TG: variants seen among roughly 807,000 people sequenced by gnomAD.
TG encodes thyroglobulin, also known as thyroid hormones.
TG carries 270 observed loss-of-function variants against 324.7 expected under a neutral mutation model. The observed-to-expected ratio is 0.83, with a 90% CI of 0.75 to 0.92. The LOEUF (loss-of-function observed/expected upper bound fraction) is 0.92. TG is among the 40% of genes least tolerant of loss of function. The probability of loss-of-function intolerance (pLI) is 0.00; values close to 1 mark genes in which losing one functional copy is unlikely to be tolerated. For synonymous variants in TG, 1,401 were observed against 1,327.0 expected (o/e 1.06, Z -1.21); for missense variants, 3,591 against 3,456.4 (o/e 1.04, Z -0.98).
chr8:132,972,545 A>G lies in TG; in HGVS notation c.6056-53A>G, dbSNP rs576350874. The G allele has an allele frequency of 7.2e-4, 1,144 of 1,594,114 alleles. 6 individuals carry two copies. The highest frequency in any genetic ancestry group is 1.2e-3 in the Middle Eastern group (7 of 5,714). On this transcript the variant is annotated intron_variant, in intron 33 of 47. Coordinates refer to ENST00000220616, the MANE Select transcript of TG (RefSeq NM_003235.5). ...TTTTTCTCATTTATTAGACTCTTCC[A>G]TTGTACTCAGTTTCCTGATTGTGGT...
At chr8:132,916,592 G>A (rs1341438788) in intron 20 of TG, among the ~76,000 whole-genome samples, 1 of 152,228 alleles carries the variant, frequency 6.6e-6, no homozygotes, top group East Asian at 1.9e-4. Flanking sequence ...GGAGGGCAAT[G>A]ACTCAGAGGT....
intron 35 of TG, chr8:133,001,932 A>G (rs1833552249): frequency 1.1e-5 from 11 of 985,360 alleles, no homozygotes; most frequent in Non-Finnish European, 1.3e-5. Flanking sequence ...AGTGCTGAGC[A>G]GCTGAAAGAA....
chr8:133,024,306 T>TTTTCTTTCTTTCTTTC (rs199604332), intron 40 of TG, among the ~76,000 whole-genome samples: 1 of 87,854 alleles, frequency 1.1e-5, no homozygotes, highest in Non-Finnish European at 2.3e-5. Flanking sequence ...CCACAGGCCA[T>TTTTCTTTCTTTCTTTC]TTTCTTTCTT....
intron 41 of TG, among the ~76,000 whole-genome samples, chr8:133,080,166 C>A (rs1564163644): frequency 6.6e-6 from 1 of 152,254 alleles, no homozygotes; most frequent in South Asian, 2.1e-4. Flanking sequence ...GAGGAAAAAA[C>A]ACCAGGCAAA....
chr8:132,867,004 G>A lies in TG; in HGVS notation c.4G>A (p.Ala2Thr). ...CCTCCCAGGAAGGGCCAGGAAAATG[G>A]CCCTGGTCCTGGAGATCTTCACCCT... M[A>T]LVLEIFTLLA... The change falls in exon 1 of 48, where the codon GCC (alanine) becomes ACC (threonine). Residue 2 changes from alanine (A) to threonine (T), a missense_variant. Physicochemically the swap from Ala to Thr is moderately conservative, Grantham distance 58 (BLOSUM62 0). Transcript: ENST00000220616. 9 of 1,594,360 alleles carry A rather than the reference G, an allele frequency of 5.6e-6. No individual in the cohort carries two copies. Among genetic ancestry groups the A allele is most frequent in the South Asian group, 1.1e-5 (1 of 88,096 alleles).
chr8:132,958,789 A>C (rs536362861), intron 27 of TG, among the ~76,000 whole-genome samples: 1 of 152,210 alleles, frequency 6.6e-6, no homozygotes, highest in African/African-American at 2.4e-5. Context: ...GCTTTGAAAT[A>C]AGCAAATGAT....
chr8:132,901,353 GC>G lies in TG; in HGVS notation c.3437del (p.Pro1146GlnfsTer58). On this transcript the variant is annotated frameshift_variant and splice_region_variant, in exon 16 of 48. Transcript: ENST00000220616. LOFTEE classifies it high-confidence loss of function. ...LRPGSSSSAQ[C>X]PSLCNVLKSG... is the part of the protein sequence containing the mutation. ...CCCATCTGGCTTGTCTCTGTGTCAG[GC>G]CCAAGCCTCTGCAATGTGCTCAAGA... is the stretch of plus-strand genomic sequence containing the variant. The G allele has an allele frequency of 6.2e-7, 1 of 1,614,112 alleles. No homozygotes were observed.
At chr8:133,117,227 A>G (rs1221903038) in intron 45 of TG, among the ~76,000 whole-genome samples, 1 of 152,194 alleles carries the variant, frequency 6.6e-6, no homozygotes, top group Non-Finnish European at 1.5e-5. Context: ...AACCAACCAT[A>G]AAGGAAGGGC....
chr8:133,123,122 C>T (rs552088129), intron 45 of TG, among the ~76,000 whole-genome samples: 3 of 152,230 alleles, frequency 2.0e-5, no homozygotes, highest in African/African-American at 7.2e-5. Context: ...CACGTGTTCC[C>T]TGGGGACACA....
chr8:133,053,318 C>T (rs146137375), intron 41 of TG, among the ~76,000 whole-genome samples: 8 of 152,262 alleles, frequency 5.3e-5, no homozygotes, highest in East Asian at 1.9e-4. Context: ...CTGTGAGTTC[C>T]GGGAGGGCAG....
intron 25 of TG, among the ~76,000 whole-genome samples, chr8:132,937,538 C>G (rs1823789161): frequency 6.8e-6 from 1 of 146,616 alleles, no homozygotes; most frequent in African/African-American, 2.7e-5. Context: ...TCACTCGGAT[C>G]TCTCTAATCT....
chr8:132,995,387 G>T, intron 35 of TG: 1 of 985,238 alleles, frequency 1.0e-6, no homozygotes, highest in Non-Finnish European at 1.2e-6. Context: ...GGAGGGCAAC[G>T]GTGCCGCCTT....
chr8:133,068,806 G>C (rs1034530368), intron 41 of TG, among the ~76,000 whole-genome samples: 2 of 152,242 alleles, frequency 1.3e-5, no homozygotes, highest in African/African-American at 4.8e-5. Flanking sequence ...TTTCTTTCTA[G>C]ATAGACTTTC....
At chr8:133,017,429 C>T (rs1835138836) in intron 37 of TG, among the ~76,000 whole-genome samples, 1 of 152,112 alleles carries the variant, frequency 6.6e-6, no homozygotes, top group Non-Finnish European at 1.5e-5. Context: ...CTCCAGACCT[C>T]CCCAGGGGAT....
intron 34 of TG, among the ~76,000 whole-genome samples, chr8:132,977,843 T>C (rs1830364913): frequency 6.6e-6 from 1 of 152,174 alleles, no homozygotes. Flanking sequence ...GTCCCCTGTT[T>C]CTGAGGAATT....
rs1252628755 is a variant in TG at position 133,113,484 on chromosome 8, T to C, written c.7635T>C (p.Asn2545=). 6.2e-7 allele frequency: 1 copy of C among 1,614,036 alleles called. No homozygotes were observed. Among genetic ancestry groups the C allele is most frequent in the Non-Finnish European group, 8.5e-7 (1 of 1,179,996 alleles). ...CAGCCTTTTACCAGGCACTGCAGAA[T>C]TCTCTGGGTGGCGAGGACTCAGATG... is the stretch of plus-strand genomic sequence containing the variant. ...SKTAFYQALQ[N]SLGGEDSDAR... The change falls in exon 44 of 48, where the codon AAT becomes AAC. Residue 2545 remains asparagine, a synonymous_variant. Transcript: ENST00000220616.
intron 39 of TG, among the ~76,000 whole-genome samples, chr8:133,021,458 A>G (rs1835555901): frequency 6.6e-6 from 1 of 152,234 alleles, no homozygotes; most frequent in Non-Finnish European, 1.5e-5. Flanking sequence ...ATGTGGGAGA[A>G]GTGTCCTCAC....
At chr8:132,895,873 T>C (rs151110781) in intron 11 of TG, among the ~76,000 whole-genome samples, 50 of 152,370 alleles carry the variant, frequency 3.3e-4, no homozygotes, top group African/African-American at 1.2e-3. Flanking sequence ...TGGCATTTTC[T>C]TCAGAAGTCG....
intron 35 of TG, among the ~76,000 whole-genome samples, chr8:132,999,731 A>G (rs778593257): frequency 2.2e-4 from 34 of 152,220 alleles, no homozygotes; most frequent in Non-Finnish European, 2.9e-4. Context: ...GAGGCCTACA[A>G]TATTTACTAC....
Sources: gnomAD v4.1 joint callset for allele counts (sites outside exome capture counted in the v4.1 genomes callset) on GRCh38, gnomAD v4.1.1 for gene constraint, MANE v1.5 for transcripts, NCBI Gene and HGNC (gene_info 2026-07-23, HGNC 2026-07-21) for gene names.